Variants in CCL3 observed in about 807,000 individuals in gnomAD.
CCL3 encodes C-C motif chemokine ligand 3.
Under a neutral mutation model 8.1 loss-of-function variants are expected in CCL3, and 6 were observed. That is an observed-to-expected ratio of 0.74 (90% CI 0.41 to 1.46). The LOEUF is 1.46. Among genes scored for constraint, CCL3 ranks in the 40% most tolerant of loss-of-function variants. The pLI, the probability that CCL3 is intolerant of heterozygous loss-of-function variation, is 0.02. For missense variants in CCL3, 109 were observed against 117.7 expected (o/e 0.93, Z 0.34); for synonymous variants, 45 against 45.1 (o/e 1.00, Z 0.01).
rs2067007580 is a variant in CCL3, at chr17:36,088,580, G to A, written c.*92C>T. The stretch of plus-strand genomic sequence containing the variant: ...CAACCAGTCCATAGAAGAGGTAGCT[G>A]TGGAGGTCACACGCATGTTCCCAAG... On this transcript the variant is annotated 3_prime_UTR_variant, in exon 3 of 3. Coordinates refer to ENST00000613922, the MANE Select transcript of CCL3 (RefSeq NM_002983.3). The A allele has an allele frequency of 2.9e-6, 4 of 1,360,786 alleles. No homozygotes were observed. The highest frequency in any genetic ancestry group is 3.4e-5 in the Admixed American group (2 of 59,488). The allele number at this position is 1,360,786 out of a possible 1,614,324, so 84.3% of individuals were successfully genotyped here.
Position 36,088,873 on chromosome 17 carries a change from C to G in CCL3, c.189-111G>C, listed in dbSNP as rs578119387. 68 of 1,444,276 alleles carry G rather than the reference C, an allele frequency of 4.7e-5. No individual in the cohort carries two copies. The East Asian group carries it at 1.5e-3, about 31-fold the overall frequency. 89.5% of individuals were successfully genotyped at this position (1,444,276 alleles called of 1,614,324 possible). ...GTCCTGGGCAGCTCAGGGCTTGCTC[C>G]TCTTTCAGGGGCCCCCTGCCTATCT... On this transcript the variant is annotated intron_variant, in intron 2 of 2. Coordinates refer to ENST00000613922, the MANE Select transcript of CCL3 (RefSeq NM_002983.3).
Position 36,090,089 on chromosome 17 carries a change from G to A in CCL3, c.-31C>T, listed in dbSNP as rs373020815. 8.1e-6 allele frequency: 13 copies of A among 1,599,898 alleles called. No individual in the cohort carries two copies. The highest frequency in any genetic ancestry group is 1.3e-5 in the African/African-American group (1 of 74,576). On this transcript the variant is annotated 5_prime_UTR_variant, in exon 1 of 3. Transcript: ENST00000613922. ...TGAGCAGGTGACGGAATGTGGGCTCGAGTGTCAGCAGAGCCAAGAAAGGAC... is the reference window on the plus strand; with the variant it reads ...TGAGCAGGTGACGGAATGTGGGCTCAAGTGTCAGCAGAGCCAAGAAAGGAC...
chr17:36,088,655 C>A lies in CCL3; in HGVS notation c.*17G>T. 6.2e-7 allele frequency: 1 copy of A among 1,612,868 alleles called. No homozygotes were observed. Among genetic ancestry groups the A allele is most frequent in the Non-Finnish European group, 8.5e-7 (1 of 1,179,798 alleles). Reference sequence around the variant, plus strand: ...TGGGCCCACCGAGGTCGCTGGGCCTCGAAGCTTCTGGACCCCTCAGGCACT... The same window carrying A: ...TGGGCCCACCGAGGTCGCTGGGCCTAGAAGCTTCTGGACCCCTCAGGCACT... On this transcript the variant is annotated 3_prime_UTR_variant, in exon 3 of 3. Transcript: ENST00000613922.
rs1299454286 is a variant in CCL3, at chr17:36,090,131, C to T, written c.-73G>A. 1.6e-5 allele frequency: 23 copies of T among 1,409,454 alleles called. No homozygotes were observed. Among genetic ancestry groups the T allele is most frequent in the Non-Finnish European group, 2.3e-5 (23 of 1,011,294 alleles). 87.3% of individuals were successfully genotyped at this position (1,409,454 alleles called of 1,614,324 possible). On this transcript the variant is annotated 5_prime_UTR_variant, in exon 1 of 3. Coordinates refer to ENST00000613922, the MANE Select transcript of CCL3 (RefSeq NM_002983.3). ...AGAAAGGACTGACCACTGTCTGCTG[C>T]CCGTGTCCTTCTGAAGTCTGAAACC...
Position 36,088,610 on chromosome 17 carries a change from A to G in CCL3, c.*62T>C. 1.9e-6 allele frequency: 3 copies of G among 1,587,580 alleles called. No homozygotes were observed. Among genetic ancestry groups the G allele is most frequent in the Non-Finnish European group, 2.6e-6 (3 of 1,157,518 alleles). ...GGTCACACGCATGTTCCCAAGGCTC[A>G]GGCTCCTGCTCCTCCCCACTGGGCC... is the stretch of plus-strand genomic sequence containing the variant. On this transcript the variant is annotated 3_prime_UTR_variant, in exon 3 of 3. Transcript: ENST00000613922.
Position 36,090,071 on chromosome 17 carries a change from G to T in CCL3, c.-13C>A, listed in dbSNP as rs755125332. 1.2e-5 allele frequency: 19 copies of T among 1,612,042 alleles called. No homozygotes were observed. The highest frequency in any genetic ancestry group is 2.7e-5 in the African/African-American group (2 of 74,854). ...TGGAGACCTGCATGATTCTGAGCAG[G>T]TGACGGAATGTGGGCTCGAGTGTCA... is the stretch of plus-strand genomic sequence containing the variant. On this transcript the variant is annotated 5_prime_UTR_variant, in exon 1 of 3. Coordinates refer to ENST00000613922, the MANE Select transcript of CCL3 (RefSeq NM_002983.3).
intron 2 of CCL3, 37 bp downstream of exon 2, chr17:36,089,146 T>A (rs1416283211): frequency 6.2e-7 from 1 of 1,607,898 alleles, no homozygotes; most frequent in South Asian, 1.1e-5. Flanking sequence ...TGACCCTCCC[T>A]ACCTCCATAG....
intron 1 of CCL3, chr17:36,089,579 T>C: frequency 1.6e-6 from 1 of 607,556 alleles, no homozygotes; most frequent in Non-Finnish European, 2.9e-6. Flanking sequence ...GTTCAAGAAG[T>C]CATACCCCAA....
At position 36,088,472 on chromosome 17, in the gene CCL3, C is replaced by T. The variant is rs570129817; in HGVS notation, c.*200G>A. 4.9e-6 allele frequency: 3 copies of T among 616,534 alleles called. No homozygotes were observed. The highest frequency in any genetic ancestry group is 1.9e-5 in the African/African-American group (1 of 53,836). The allele number at this position is 616,534 out of a possible 1,614,324, so 38.2% of individuals were successfully genotyped here. A position where few individuals can be genotyped will look rare whatever the true frequency, so the allele number is the denominator to read the frequency against. ...AACAATCACAAACACACTGTGAAAT[C>T]GAAAATAAATTACAAAAACTAAATA... On this transcript the variant is annotated 3_prime_UTR_variant, in exon 3 of 3. Transcript: ENST00000613922.
chr17:36,089,284 C>G lies in CCL3; in HGVS notation c.87G>C (p.Thr29=). The change falls in exon 2 of 3, where the codon ACG becomes ACC. Residue 29 remains threonine (T), a synonymous_variant. Transcript: ENST00000613922. The part of the protein sequence containing the change: ...NQFSASLAAD[T]PTACCFSYTS... ...TGTAGCTGAAGCAGCAGGCGGTCGG[C>G]GTGTCAGCAGCAACTGTGGAGAAAG... 1 of 1,613,994 alleles carries G rather than the reference C, an allele frequency of 6.2e-7. No individual in the cohort carries two copies.
chr17:36,089,416 T>C, intron 1 of CCL3, 119 bp from the exon 2 acceptor site: 3 of 1,163,748 alleles, frequency 2.6e-6, no homozygotes, highest in Non-Finnish European at 3.8e-6. Flanking sequence ...CTGGAAGGCA[T>C]TTGGGCATTT....
intron 1 of CCL3, chr17:36,089,580 C>T (rs1375938658): frequency 1.2e-5 from 7 of 606,564 alleles, no homozygotes; most frequent in Admixed American, 8.5e-5. Context: ...TTCAAGAAGT[C>T]ATACCCCAAC....
chr17:36,089,902 G>T, intron 1 of CCL3, 84 bp downstream of exon 1: 1 of 1,298,820 alleles, frequency 7.7e-7, no homozygotes. Flanking sequence ...TTTTCTCTTG[G>T]GGGCTTTTAG....
At chr17:36,089,584 C>T (rs1479050692) in intron 1 of CCL3, 10 of 607,332 alleles carry the variant, frequency 1.6e-5, no homozygotes, top group East Asian at 2.9e-5. Context: ...AGAAGTCATA[C>T]CCCAACCCAA....
chr17:36,088,448 A>T lies in CCL3; in HGVS notation c.*224T>A. 1.8e-6 allele frequency: 1 copy of T among 568,842 alleles called. No individual in the cohort carries two copies. The highest frequency in any genetic ancestry group is 3.1e-6 in the Non-Finnish European group (1 of 318,584). 35.2% of individuals were successfully genotyped at this position (568,842 alleles called of 1,614,324 possible). A position where few individuals can be genotyped will look rare whatever the true frequency, so the allele number is the denominator to read the frequency against. Reference sequence around the variant, plus strand: ...GGGGACAGGGGAACTCTCAGAGCAAACAATCACAAACACACTGTGAAATCG... The same window carrying T: ...GGGGACAGGGGAACTCTCAGAGCAATCAATCACAAACACACTGTGAAATCG... On this transcript the variant is annotated 3_prime_UTR_variant, in exon 3 of 3. Coordinates refer to ENST00000613922, the MANE Select transcript of CCL3 (RefSeq NM_002983.3).
At position 36,088,609 on chromosome 17, in the gene CCL3, C is replaced by A; in HGVS notation, c.*63G>T. The A allele has an allele frequency of 6.3e-7, 1 of 1,588,538 alleles. No individual in the cohort carries two copies. Among genetic ancestry groups the A allele is most frequent in the Non-Finnish European group, 8.6e-7 (1 of 1,158,484 alleles). Reference sequence around the variant, plus strand: ...AGGTCACACGCATGTTCCCAAGGCTCAGGCTCCTGCTCCTCCCCACTGGGC... The same window carrying A: ...AGGTCACACGCATGTTCCCAAGGCTAAGGCTCCTGCTCCTCCCCACTGGGC... On this transcript the variant is annotated 3_prime_UTR_variant, in exon 3 of 3. Transcript: ENST00000613922.
At chr17:36,089,931 T>G in intron 1 of CCL3, 55 bp downstream of exon 1, 1 of 1,513,486 alleles carries the variant, frequency 6.6e-7, no homozygotes, top group Non-Finnish European at 9.2e-7. Context: ...AAAAGATTGA[T>G]GTGGTCTAAC....
intron 1 of CCL3, chr17:36,089,778 C>G (rs1276444274): frequency 5.6e-6 from 4 of 720,686 alleles, no homozygotes; most frequent in East Asian, 5.4e-5. Flanking sequence ...ACTCCCCTGC[C>G]CCTGCCTAGA....
intron 1 of CCL3, 94 bp downstream of exon 1, chr17:36,089,892 T>C: frequency 8.0e-7 from 1 of 1,245,154 alleles, no homozygotes; most frequent in Non-Finnish European, 1.2e-6. Flanking sequence ...AGAAGTTCTC[T>C]TTTCTCTTGG....
Sources: allele counts gnomAD v4.1 joint callset, GRCh38; gene constraint gnomAD v4.1.1; transcripts MANE v1.5; gene names NCBI Gene and HGNC (gene_info 2026-07-23, HGNC 2026-07-21).